Variants in TMEM163 observed in about 807,000 individuals in gnomAD.
TMEM163 encodes transmembrane protein 163.
A neutral mutation model predicts 29.3 loss-of-function variants in TMEM163; 17 were observed. The observed-to-expected ratio is 0.58, with a 90% CI of 0.40 to 0.87. TMEM163 has a LOEUF of 0.87. TMEM163 is among the 40% of genes least tolerant of loss of function. The pLI is 0.00. For missense variants in TMEM163, 303 were observed against 381.5 expected, an observed-to-expected ratio of 0.79 and a Z score of 1.71; for synonymous variants, 157 against 160.6, an observed-to-expected ratio of 0.98 and a Z score of 0.17.
chr2:134,715,285 T>C (rs1341293561), intron 1 of TMEM163, among the ~76,000 whole-genome samples: 1 of 152,118 alleles, frequency 6.6e-6, no homozygotes, highest in Non-Finnish European at 1.5e-5. Context: ...TGTGGACCAA[T>C]CTACATGCTT....
intron 4 of TMEM163, among the ~76,000 whole-genome samples, chr2:134,522,992 G>A (rs1680219544): frequency 6.6e-6 from 1 of 152,152 alleles, no homozygotes; most frequent in Admixed American, 6.5e-5. Flanking sequence ...GAACCACACC[G>A]CCTCATACAG....
intron 5 of TMEM163, among the ~76,000 whole-genome samples, chr2:134,486,633 A>G (rs1558919303): frequency 6.6e-6 from 1 of 152,252 alleles, no homozygotes; most frequent in Non-Finnish European, 1.5e-5. Flanking sequence ...AAAAAGTAAC[A>G]GGCCCGGTTT....
At chr2:134,552,157 C>T (rs1031462626) in intron 2 of TMEM163, 66 bp from the exon 3 acceptor site, 4 of 1,270,266 alleles carry the variant, frequency 3.1e-6, no homozygotes, top group Non-Finnish European at 4.5e-6. Context: ...TATATTAATA[C>T]ATTACATGGC....
intron 2 of TMEM163, among the ~76,000 whole-genome samples, chr2:134,662,697 T>C (rs1558983239): frequency 6.6e-6 from 1 of 152,200 alleles, no homozygotes; most frequent in Non-Finnish European, 1.5e-5. Flanking sequence ...TCCCTTGACA[T>C]TGCTGACCTG....
intron 2 of TMEM163, among the ~76,000 whole-genome samples, chr2:134,705,928 C>T (rs970211648): frequency 7.9e-5 from 12 of 152,212 alleles, no homozygotes; most frequent in African/African-American, 2.7e-4. Context: ...TGGGGCTCGC[C>T]GCCCAGCTAC....
In TMEM163 at chr2:134,458,055, G is replaced by T. The variant is rs372325801; in HGVS notation, c.786C>A (p.Leu262=). 4 of 1,614,084 alleles carry T rather than the reference G, an allele frequency of 2.5e-6. No homozygotes were observed. Among genetic ancestry groups the T allele is most frequent in the Non-Finnish European group, 3.4e-6 (4 of 1,180,050 alleles). The change falls in exon 7 of 8, where the codon CTC becomes CTA. Residue 262 remains leucine (L), a synonymous_variant. Coordinates refer to ENST00000281924, the MANE Select transcript of TMEM163 (RefSeq NM_030923.5). The part of the protein sequence containing the change: ...LDGSIGVLIG[L]TIFAYGVKLL... ...ACTTGACCCCATAGGCAAATATGGT[G>T]AGGCCGATCAGAACGCCTATGCTGC... is the stretch of plus-strand genomic sequence containing the variant.
intron 6 of TMEM163, among the ~76,000 whole-genome samples, chr2:134,463,270 C>T (rs77110906): frequency 0.084 from 12,793 of 152,292 alleles, 710 homozygotes; most frequent in South Asian, 0.17. Context: ...CCAACCCAAA[C>T]CCCTGGCCAG....
chr2:134,655,883 C>T (rs1196387422), intron 2 of TMEM163, among the ~76,000 whole-genome samples: 3 of 141,798 alleles, frequency 2.1e-5, no homozygotes, highest in Admixed American at 6.9e-5. Flanking sequence ...CAGGGACCCA[C>T]TTGAGGAGGC....
At chr2:134,544,803 A>T (rs1157911271) in intron 4 of TMEM163, among the ~76,000 whole-genome samples, 1 of 152,112 alleles carries the variant, frequency 6.6e-6, no homozygotes, top group Non-Finnish European at 1.5e-5. Flanking sequence ...TCAATAAATA[A>T]ATAAATAAAT....
intron 2 of TMEM163, among the ~76,000 whole-genome samples, chr2:134,615,875 T>G (rs896935462): frequency 3.3e-5 from 5 of 152,144 alleles, no homozygotes; most frequent in African/African-American, 1.2e-4. Context: ...CAGACTGGTC[T>G]CAAACTCCTG....
At chr2:134,495,473 TATCA>T (rs1679530245) in intron 5 of TMEM163, among the ~76,000 whole-genome samples, 1 of 152,156 alleles carries the variant, frequency 6.6e-6, no homozygotes, top group Non-Finnish European at 1.5e-5. Context: ...CTGAAGAACA[TATCA>T]ATCACTCCTG....
intron 4 of TMEM163, among the ~76,000 whole-genome samples, chr2:134,539,065 A>T (rs1399580118): frequency 6.6e-6 from 1 of 152,206 alleles, no homozygotes; most frequent in Non-Finnish European, 1.5e-5. Flanking sequence ...AATAACCCCC[A>T]TGTATTGAGT....
At chr2:134,525,181 T>C (rs1336636841) in intron 4 of TMEM163, among the ~76,000 whole-genome samples, 3 of 152,186 alleles carry the variant, frequency 2.0e-5, no homozygotes, top group Non-Finnish European at 4.4e-5. Flanking sequence ...AAAGGATAAA[T>C]TAGTGCTACT....
intron 2 of TMEM163, among the ~76,000 whole-genome samples, chr2:134,601,548 G>A (rs573656603): frequency 4.6e-5 from 7 of 152,328 alleles, no homozygotes; most frequent in East Asian, 1.9e-4. Context: ...AAGGCAATTC[G>A]GCAGGGCTGG....
chr2:134,516,780 C>CATATATATATGCATATATATGCATAT (rs6146922), intron 4 of TMEM163, among the ~76,000 whole-genome samples: 7 of 139,460 alleles, frequency 5.0e-5, no homozygotes, highest in East Asian at 2.2e-4. Flanking sequence ...CATATCTATT[C>CATATATATATGCATATATATGCATAT]ATATATATAT....
intron 2 of TMEM163, among the ~76,000 whole-genome samples, chr2:134,604,561 G>C (rs1682309085): frequency 6.6e-6 from 1 of 151,956 alleles, no homozygotes; most frequent in Non-Finnish European, 1.5e-5. Flanking sequence ...GTTCTGGAGA[G>C]AGGAGAAGAG....
At chr2:134,569,847 T>C (rs1681381169) in intron 2 of TMEM163, among the ~76,000 whole-genome samples, 1 of 152,164 alleles carries the variant, frequency 6.6e-6, no homozygotes, top group Non-Finnish European at 1.5e-5. Context: ...GATCCATATG[T>C]TTTAAATTGC....
rs535983338 is a variant in TMEM163 at position 134,653,782 on chromosome 2, T to C, written c.322+59418A>G. 4.1e-3 allele frequency among the ~76,000 whole-genome samples: 467 copies of C among 114,504 alleles called. 53 individuals carry two copies. Among genetic ancestry groups the C allele is most frequent in the Non-Finnish European group, 5.5e-3 (322 of 58,540 alleles). The allele number at this position is 114,504 out of a possible 152,430, so 75.1% of individuals were successfully genotyped here. A position where few individuals can be genotyped will look rare whatever the true frequency, so the allele number is the denominator to read the frequency against. On this transcript the variant is annotated intron_variant, in intron 2 of 7. Coordinates refer to ENST00000281924, the MANE Select transcript of TMEM163 (RefSeq NM_030923.5). ...CGTTGGTTTCAAAGAACATCTTTAT[T>C]TCTGCCTTCATTTCGTTACGTACCC...
At chr2:134,588,903 A>G (rs995537944) in intron 2 of TMEM163, among the ~76,000 whole-genome samples, 1 of 152,198 alleles carries the variant, frequency 6.6e-6, no homozygotes, top group Non-Finnish European at 1.5e-5. Context: ...CAAAGTGTAG[A>G]GTTCATGAAG....
Sources: allele counts gnomAD v4.1 joint callset (sites outside exome capture counted in the v4.1 genomes callset), GRCh38; gene constraint gnomAD v4.1.1; transcripts MANE v1.5; gene names NCBI Gene and HGNC (gene_info 2026-07-23, HGNC 2026-07-21).